Variants in ACYP2 observed in about 807,000 individuals in gnomAD.
ACYP2 encodes the protein acylphosphatase 2, also known as acylphosphatase-2.
In ACYP2, 12 loss-of-function variants were observed where a neutral mutation model predicts 11.2. That is an observed-to-expected ratio of 1.08 (90% CI 0.69 to 1.74). The LOEUF (loss-of-function observed/expected upper bound fraction) is 1.74, where lower values mean the gene tolerates loss of function less well. ACYP2 is among the 40% of genes most tolerant of loss of function. ACYP2 has a pLI of 0.00. For synonymous variants in ACYP2, 43 were observed against 32.2 expected, an observed-to-expected ratio of 1.33 and a Z score of -1.13; for missense variants, 134 against 101.9, an observed-to-expected ratio of 1.31 and a Z score of -1.35.
intron 5 of ACYP2, among the ~76,000 whole-genome samples, chr2:54,137,694 T>G (rs1681336730): frequency 6.6e-6 from 1 of 152,240 alleles, no homozygotes; most frequent in South Asian, 2.1e-4. Context: ...GATGGGCATT[T>G]AGGTTGATTC....
intron 2 of ACYP2, among the ~76,000 whole-genome samples, chr2:54,042,391 GC>G (rs1207021081): frequency 6.6e-6 from 1 of 152,148 alleles, no homozygotes; most frequent in African/African-American, 2.4e-5. Flanking sequence ...GTTGCTCTTG[GC>G]TCAGAATAAT....
chr2:54,038,800 TA>T (rs372376830), intron 2 of ACYP2, among the ~76,000 whole-genome samples: 1,187 of 104,374 alleles, frequency 0.011, 43 homozygotes, highest in Admixed American at 0.067. Flanking sequence ...TCAGAATAGG[TA>T]AAAAAAAAAA....
At chr2:54,234,680 G>A (rs781735370) in intron 6 of ACYP2, among the ~76,000 whole-genome samples, 6 of 152,206 alleles carry the variant, frequency 3.9e-5, no homozygotes, top group Admixed American at 6.5e-5. Flanking sequence ...GCATGAACAA[G>A]ATTAATTTTT....
chr2:54,255,884 C>T, intron 6 of ACYP2: 1 of 1,614,084 alleles, frequency 6.2e-7, no homozygotes, highest in Non-Finnish European at 8.5e-7. Context: ...GGTGGAGTCA[C>T]TTCCTGCCCC....
intron 6 of ACYP2, among the ~76,000 whole-genome samples, chr2:54,141,619 C>A (rs901442139): frequency 2.0e-5 from 3 of 152,206 alleles, no homozygotes; most frequent in Non-Finnish European, 2.9e-5. Flanking sequence ...ATCTATTTCT[C>A]TGTTCCTACA....
chr2:54,172,779 G>C (rs530302637), intron 6 of ACYP2, among the ~76,000 whole-genome samples: 1 of 152,188 alleles, frequency 6.6e-6, no homozygotes, highest in Admixed American at 6.5e-5. Flanking sequence ...TCCCACCTAT[G>C]AGTGAGAACA....
At chr2:54,005,570 C>G (rs908597099) in intron 2 of ACYP2, among the ~76,000 whole-genome samples, 3 of 152,180 alleles carry the variant, frequency 2.0e-5, no homozygotes, top group African/African-American at 4.8e-5. Flanking sequence ...ATCTCCTGAC[C>G]TCAGGTGATC....
At chr2:54,203,822 A>G (rs1485262683) in intron 6 of ACYP2, among the ~76,000 whole-genome samples, 6 of 150,906 alleles carry the variant, frequency 4.0e-5, no homozygotes, top group Admixed American at 3.3e-4. Flanking sequence ...TTCAAAAAGG[A>G]TAAGTGGTGA....
chr2:54,009,695 A>G (rs1673259965), intron 2 of ACYP2, among the ~76,000 whole-genome samples: 1 of 152,126 alleles, frequency 6.6e-6, no homozygotes, highest in Admixed American at 6.6e-5. Context: ...AAACATGAAC[A>G]ATGGAAGGGT....
intron 6 of ACYP2, among the ~76,000 whole-genome samples, chr2:54,287,244 T>C (rs1182504715): frequency 6.6e-6 from 1 of 151,908 alleles, no homozygotes; most frequent in Non-Finnish European, 1.5e-5. Flanking sequence ...TAACTCTATG[T>C]CCTCATAGCA....
At chr2:54,220,348 G>A (rs947226786) in intron 6 of ACYP2, among the ~76,000 whole-genome samples, 9 of 151,932 alleles carry the variant, frequency 5.9e-5, no homozygotes, top group African/African-American at 2.2e-4. Flanking sequence ...GACTAAATGT[G>A]TTTTATTGTC....
At chr2:54,175,765 T>C (rs1018180681) in intron 6 of ACYP2, among the ~76,000 whole-genome samples, 2 of 152,304 alleles carry the variant, frequency 1.3e-5, no homozygotes, top group African/African-American at 4.8e-5. Flanking sequence ...TCCCCTTTTT[T>C]CTTTAGTAAT....
intron 4 of ACYP2, among the ~76,000 whole-genome samples, chr2:54,119,328 C>G (rs1226689089): frequency 6.6e-6 from 1 of 151,712 alleles, no homozygotes; most frequent in African/African-American, 2.4e-5. Context: ...AAGTTCTGGC[C>G]TTATAAGCAT....
intron 6 of ACYP2, among the ~76,000 whole-genome samples, chr2:54,190,222 A>G (rs1294764864): frequency 6.6e-6 from 1 of 152,042 alleles, no homozygotes; most frequent in Non-Finnish European, 1.5e-5. Flanking sequence ...ATGTAGTCCT[A>G]TTTATTTATT....
intron 6 of ACYP2, among the ~76,000 whole-genome samples, chr2:54,241,149 C>T (rs760975753): frequency 2.6e-5 from 4 of 152,138 alleles, no homozygotes; most frequent in Non-Finnish European, 5.9e-5. Context: ...TCCCCAAATG[C>T]CTGTGAATGA....
intron 2 of ACYP2, among the ~76,000 whole-genome samples, chr2:53,983,623 G>A (rs866928120): frequency 3.3e-5 from 5 of 152,104 alleles, no homozygotes; most frequent in African/African-American, 4.8e-5. Context: ...TAGTATATAC[G>A]GCTGAAGCAG....
At chr2:54,165,531 TCTCTCACACACACACACACACACACA>T in intron 6 of ACYP2, among the ~76,000 whole-genome samples, 1 of 119,668 alleles carries the variant, frequency 8.4e-6, no homozygotes, top group Non-Finnish European at 1.9e-5. Flanking sequence ...TCTCTCTCTC[TCTCTCACACACACACACACACACACA>T]CACACACACA....
chr2:54,263,912 CAGTG>C (rs1461310759), intron 6 of ACYP2, among the ~76,000 whole-genome samples: 1 of 147,832 alleles, frequency 6.8e-6, no homozygotes, highest in Non-Finnish European at 1.5e-5. Context: ...TCCAAACAAA[CAGTG>C]AGCACAGGAA....
At chr2:54,247,163 T>G (rs1026142901) in intron 6 of ACYP2, among the ~76,000 whole-genome samples, 3 of 152,230 alleles carry the variant, frequency 2.0e-5, no homozygotes, top group African/African-American at 7.2e-5. Flanking sequence ...ATTATTTCTC[T>G]TCCTTTGTGC....
Sources: allele counts gnomAD v4.1 joint callset (sites outside exome capture counted in the v4.1 genomes callset), GRCh38; gene constraint gnomAD v4.1.1; transcripts MANE v1.5; gene names NCBI Gene and HGNC (gene_info 2026-07-23, HGNC 2026-07-21).